PIAS4: variants seen among roughly 807,000 people sequenced by gnomAD.
The protein encoded by PIAS4 is protein inhibitor of activated STAT 4.
In PIAS4, 7 loss-of-function variants were observed where a neutral mutation model predicts 58.0. That is an observed-to-expected ratio of 0.12 (90% CI 0.07 to 0.23). PIAS4 has a LOEUF of 0.23. Among genes scored for constraint, PIAS4 ranks in the 10% least tolerant of loss-of-function variants. PIAS4 has a pLI of 1.00. For synonymous variants in PIAS4, 364 were observed against 312.4 expected (o/e 1.17, Z -1.74); for missense variants, 550 against 709.5 (o/e 0.78, Z 2.55).
chr19:4,037,547 C>A lies in PIAS4; in HGVS notation c.1273+43C>A, dbSNP rs2040312644. ...CCAGCCGCGCAGTCCGCAGCCAGGG[C>A]CGCCTCAGTTTCCCCATTTATCAGT... is the stretch of plus-strand genomic sequence containing the variant. On this transcript the variant is annotated intron_variant, in intron 10 of 10. Transcript: ENST00000262971. The surrounding 1 kb of genome is among the most constrained non-coding windows in gnomAD (Gnocchi z 5.8). The A allele has an allele frequency of 1.2e-6, 2 of 1,607,590 alleles. No homozygotes were observed. Among genetic ancestry groups the A allele is most frequent in the Non-Finnish European group, 1.7e-6 (2 of 1,179,704 alleles).
In PIAS4 at chr19:4,037,419, C is replaced by T. The variant is rs770232739; in HGVS notation, c.1188C>T (p.Ile396=). The T allele has an allele frequency of 8.7e-6, 14 of 1,611,062 alleles. No homozygotes were observed. The East Asian group carries it at 8.9e-5, about 10-fold the overall frequency. The stretch of plus-strand genomic sequence containing the variant: ...GCGAGTGTGAGGACGCCGACGAGAT[C>T]GAGTACCTGGTGGACGGCTCGTGGT... The part of the protein sequence containing the change: ...ILSECEDADE[I]EYLVDGSWCP... Residue 396 remains isoleucine (I), a synonymous_variant, in exon 10 of 11, where the codon ATC becomes ATT. Transcript: ENST00000262971. The surrounding 1 kb of genome is among the most constrained non-coding windows in gnomAD (Gnocchi z 5.8).
intron 1 of PIAS4, among the ~76,000 whole-genome samples, chr19:4,008,626 C>G (rs1452707837): frequency 6.6e-6 from 1 of 152,114 alleles, no homozygotes; most frequent in Non-Finnish European, 1.5e-5. Context: ...TTTGGTCCTA[C>G]CTCGTTCCTC....
At chr19:4,017,088 C>T (rs778826702) in intron 2 of PIAS4, among the ~76,000 whole-genome samples, 1 of 152,196 alleles carries the variant, frequency 6.6e-6, no homozygotes, top group Non-Finnish European at 1.5e-5. Context: ...ACGGAGCGTC[C>T]TGTGTCACTG....
chr19:4,036,039 CAT>C (rs375040476), intron 9 of PIAS4, among the ~76,000 whole-genome samples: 3 of 21,754 alleles, frequency 1.4e-4, no homozygotes, highest in African/African-American at 2.6e-4. Flanking sequence ...TCCACACCGT[CAT>C]ACACACACAC....
At chr19:4,036,407 T>C (rs149344718) in intron 9 of PIAS4, among the ~76,000 whole-genome samples, 4,700 of 106,800 alleles carry the variant, frequency 0.044, 453 homozygotes, top group African/African-American at 0.16. Flanking sequence ...CAGTCCACAC[T>C]GTCACACATC....
At chr19:4,030,696 G>C (rs933996863) in intron 7 of PIAS4, among the ~76,000 whole-genome samples, 5 of 152,132 alleles carry the variant, frequency 3.3e-5, no homozygotes, top group African/African-American at 1.2e-4. Context: ...CAAAGCCAGC[G>C]TACAGCAGTT....
At chr19:4,034,423 G>A (rs1372413595) in intron 9 of PIAS4, among the ~76,000 whole-genome samples, 24 of 152,234 alleles carry the variant, frequency 1.6e-4, no homozygotes, top group Admixed American at 1.1e-3. Flanking sequence ...ACCTGTGAGC[G>A]TCCTCAGTTT....
Position 4,037,955 on chromosome 19 carries a change from A to G in PIAS4, c.*80A>G. 1.4e-6 allele frequency: 2 copies of G among 1,412,374 alleles called. No homozygotes were observed. The highest frequency in any genetic ancestry group is 2.5e-5 in the East Asian group (1 of 40,338). The allele number at this position is 1,412,374 out of a possible 1,614,324, so 87.5% of individuals were successfully genotyped here. A position where few individuals can be genotyped will look rare whatever the true frequency, so the allele number is the denominator to read the frequency against. On this transcript the variant is annotated 3_prime_UTR_variant, in exon 11 of 11. Coordinates refer to ENST00000262971, the MANE Select transcript of PIAS4 (RefSeq NM_015897.4). The surrounding 1 kb of genome is among the most constrained non-coding windows in gnomAD (Gnocchi z 5.8). Reference sequence around the variant, plus strand: ...AGCCTCGGGCGCAGAGGGAGGAGTGACCTTTCTTTTTCTTTTTATTGTCGT... The same window carrying G: ...AGCCTCGGGCGCAGAGGGAGGAGTGGCCTTTCTTTTTCTTTTTATTGTCGT...
chr19:4,030,178 G>GGGTCAGGAGAGCAACACCA (rs1470580475), intron 7 of PIAS4, among the ~76,000 whole-genome samples: 1 of 149,524 alleles, frequency 6.7e-6, no homozygotes. Context: ...GCCCAGGCTG[G>GGGTCAGGAGAGCAACACCA]TCGTAAACTC....
intron 9 of PIAS4, among the ~76,000 whole-genome samples, chr19:4,035,582 G>A (rs1248804417): frequency 6.6e-6 from 1 of 152,098 alleles, no homozygotes; most frequent in Admixed American, 6.5e-5. Flanking sequence ...GGCGTGGGGA[G>A]CCCGCACTCT....
chr19:4,024,185 T>C (rs889754450), intron 3 of PIAS4, 65 bp downstream of exon 3: 1 of 1,132,204 alleles, frequency 8.8e-7, no homozygotes, highest in Non-Finnish European at 1.3e-6. Context: ...CTGGGCTCAC[T>C]GGGGAGAGCC....
At chr19:4,018,112 CCAGT>C (rs1407943819) in intron 2 of PIAS4, among the ~76,000 whole-genome samples, 1 of 152,224 alleles carries the variant, frequency 6.6e-6, no homozygotes, top group African/African-American at 2.4e-5. Context: ...AGGCCCGGCC[CCAGT>C]CAGCCTTTTA....
Position 4,036,588 on chromosome 19 carries a change from C to T in PIAS4, c.1143-786C>T, listed in dbSNP as rs200816306. Among the ~76,000 whole-genome samples the T allele has an allele frequency of 1.0e-4, 14 of 137,542 alleles. 1 individual carries two copies. Among genetic ancestry groups the T allele is most frequent in the African/African-American group, 2.7e-4 (10 of 36,862 alleles). The allele number at this position is 137,542 out of a possible 152,430, so 90.2% of individuals were successfully genotyped here. A position where few individuals can be genotyped will look rare whatever the true frequency, so the allele number is the denominator to read the frequency against. ...CGTCACACATCCATACAGTCCACAC[C>T]GTCATACACACACACATCTATACAG... On this transcript the variant is annotated intron_variant, in intron 9 of 10. Transcript: ENST00000262971.
At chr19:4,009,732 G>T (rs1318760775) in intron 1 of PIAS4, among the ~76,000 whole-genome samples, 1 of 152,254 alleles carries the variant, frequency 6.6e-6, no homozygotes, top group African/African-American at 2.4e-5. Context: ...CTTTACAGGG[G>T]CCTTCCCCAG....
At chr19:4,028,416 C>G (rs976558516) in intron 4 of PIAS4, 94 bp from the exon 5 acceptor site, 1 of 972,410 alleles carries the variant, frequency 1.0e-6, no homozygotes, top group Non-Finnish European at 1.6e-6. Context: ...GTGCCCCCAT[C>G]ACTGCCGCCT....
chr19:4,020,847 C>G (rs2040102987), intron 2 of PIAS4, among the ~76,000 whole-genome samples: 1 of 152,212 alleles, frequency 6.6e-6, no homozygotes, highest in South Asian at 2.1e-4. Context: ...GCGATCCTCC[C>G]ACCTTGGCCT....
At chr19:4,034,421 G>A (rs987085123) in intron 9 of PIAS4, among the ~76,000 whole-genome samples, 3 of 152,252 alleles carry the variant, frequency 2.0e-5, no homozygotes, top group Non-Finnish European at 4.4e-5. Flanking sequence ...AGACCTGTGA[G>A]CGTCCTCAGT....
intron 3 of PIAS4, among the ~76,000 whole-genome samples, chr19:4,025,198 A>G (rs1318401493): frequency 6.6e-6 from 1 of 152,166 alleles, no homozygotes; most frequent in East Asian, 1.9e-4. Flanking sequence ...CCTGGCCTCC[A>G]CCTGCTCTGT....
intron 1 of PIAS4, 51 bp from the exon 2 acceptor site, chr19:4,012,872 C>T (rs1017358438): frequency 6.5e-7 from 1 of 1,550,090 alleles, no homozygotes; most frequent in Non-Finnish European, 8.8e-7. Context: ...CATGGAGTCC[C>T]CTGCCTCGCA....
Sources: allele counts gnomAD v4.1 joint callset (sites outside exome capture counted in the v4.1 genomes callset), GRCh38; gene constraint gnomAD v4.1.1; non-coding constraint Gnocchi (gnomAD v3.1); transcripts MANE v1.5; gene names NCBI Gene and HGNC (gene_info 2026-07-23, HGNC 2026-07-21).